TRPM3: variants seen among roughly 807,000 people sequenced by gnomAD.
TRPM3 encodes transient receptor potential cation channel subfamily M member 3.
TRPM3 carries 77 observed loss-of-function variants against 181.2 expected under a neutral mutation model. The ratio of observed to expected loss-of-function variants is 0.42; its 90% CI spans 0.35 to 0.51. The LOEUF (loss-of-function observed/expected upper bound fraction) is 0.51, where lower values mean the gene tolerates loss of function less well. Ranked by LOEUF, TRPM3 falls within the 20% of genes least tolerant of loss-of-function variation. The pLI is 0.01. For missense variants in TRPM3, 1,759 were observed against 2,196.7 expected (o/e 0.80, Z 3.98); for synonymous variants, 745 against 796.4 (o/e 0.94, Z 1.09).
intron 1 of TRPM3, among the ~76,000 whole-genome samples, chr9:71,349,508 C>G (rs207470246): frequency 6.6e-6 from 1 of 152,180 alleles, no homozygotes; most frequent in Non-Finnish European, 1.5e-5. Context: ...TTCAGTAAAT[C>G]GTTTCCTTAA....
At chr9:71,148,667 A>G (rs2075566492) in intron 1 of TRPM3, among the ~76,000 whole-genome samples, 2 of 152,152 alleles carry the variant, frequency 1.3e-5, no homozygotes, top group Non-Finnish European at 2.9e-5. Context: ...AAAGGCCACA[A>G]AAAAGGCATT....
In TRPM3 at chr9:70,814,562, T is replaced by C. The variant is rs2092493592; in HGVS notation, c.973+13285A>G. Among the ~76,000 whole-genome samples, 3 of 152,314 alleles carry C rather than the reference T, an allele frequency of 2.0e-5. No individual in the cohort carries two copies. In the South Asian group the frequency reaches 6.2e-4, roughly 32 times the overall value. ...TATAAAATGTAAGCATCAAATGTATTACATTGGTCTCATCAGTTTTATACA... is the reference window on the plus strand; with the variant it reads ...TATAAAATGTAAGCATCAAATGTATCACATTGGTCTCATCAGTTTTATACA... On this transcript the variant is annotated intron_variant, in intron 6 of 25. Coordinates refer to ENST00000677713, the MANE Select transcript of TRPM3 (RefSeq NM_001366145.2).
chr9:70,949,801 C>A (rs3010423), intron 1 of TRPM3, among the ~76,000 whole-genome samples: 115,997 of 152,076 alleles, frequency 0.76, 44,640 homozygotes, highest in African/African-American at 0.83. Flanking sequence ...TGAGTTAGTA[C>A]AAACTTGGTG....
intron 1 of TRPM3, among the ~76,000 whole-genome samples, chr9:70,881,052 T>C (rs914061899): frequency 8.5e-5 from 13 of 152,152 alleles, no homozygotes; most frequent in African/African-American, 2.9e-4. Flanking sequence ...TCCTGGATTC[T>C]TTTTTTAAAA....
intron 8 of TRPM3, among the ~76,000 whole-genome samples, chr9:70,686,216 G>C (rs1392389353): frequency 6.6e-6 from 1 of 151,830 alleles, no homozygotes; most frequent in African/African-American, 2.4e-5. Flanking sequence ...TGATATATGT[G>C]TATATATACA....
Position 71,015,363 on chromosome 9 carries a change from C to T in TRPM3, c.177+105815G>A, listed in dbSNP as rs540167016. Among the ~76,000 whole-genome samples, 10 of 152,226 alleles carry T rather than the reference C, an allele frequency of 6.6e-5. No homozygotes were observed. The South Asian group carries it at 1.7e-3, about 25-fold the overall frequency. The stretch of plus-strand genomic sequence containing the variant: ...ATCTTCCTATTAGTTGTAGGTAATG[C>T]CAATGTGGAGGCTGAAATGCTAAGC... On this transcript the variant is annotated intron_variant, in intron 1 of 25. Coordinates refer to ENST00000677713, the MANE Select transcript of TRPM3 (RefSeq NM_001366145.2).
At chr9:70,871,632 A>T (rs1417223671) in intron 1 of TRPM3, among the ~76,000 whole-genome samples, 1 of 152,032 alleles carries the variant, frequency 6.6e-6, no homozygotes, top group Non-Finnish European at 1.5e-5. Flanking sequence ...TTAAGAAGGT[A>T]ATTAGCTCCA....
chr9:70,660,505 A>T (rs2060972231), intron 9 of TRPM3, among the ~76,000 whole-genome samples: 1 of 152,040 alleles, frequency 6.6e-6, no homozygotes, highest in African/African-American at 2.4e-5. Flanking sequence ...GTCTCCCTAA[A>T]ATGTATAAAA....
At chr9:70,678,711 A>C (rs1244082490) in intron 9 of TRPM3, among the ~76,000 whole-genome samples, 1 of 152,274 alleles carries the variant, frequency 6.6e-6, no homozygotes, top group Non-Finnish European at 1.5e-5. Flanking sequence ...TGGATTGCAC[A>C]AAGTTTCTAC....
intron 1 of TRPM3, among the ~76,000 whole-genome samples, chr9:71,426,624 T>C (rs908897927): frequency 5.3e-5 from 8 of 152,182 alleles, no homozygotes; most frequent in African/African-American, 1.9e-4. Context: ...TTTAAAATTA[T>C]TAATTTCTGA....
intron 1 of TRPM3, among the ~76,000 whole-genome samples, chr9:71,269,187 A>G (rs1415339350): frequency 6.6e-6 from 1 of 152,250 alleles, no homozygotes; most frequent in African/African-American, 2.4e-5. Flanking sequence ...CATTATACAC[A>G]AGGCTCTAAA....
chr9:71,208,912 CTAAAA>C (rs1351253007), intron 1 of TRPM3, among the ~76,000 whole-genome samples: 2 of 152,102 alleles, frequency 1.3e-5, no homozygotes, highest in Non-Finnish European at 2.9e-5. Context: ...AAACTGGAAC[CTAAAA>C]CATCTCCAGC....
intron 1 of TRPM3, among the ~76,000 whole-genome samples, chr9:70,879,338 A>G (rs1323317439): frequency 6.6e-6 from 1 of 152,094 alleles, no homozygotes; most frequent in Non-Finnish European, 1.5e-5. Context: ...ATTTAATTAA[A>G]TTTGTGTCCT....
At chr9:71,207,064 T>G (rs1260686850) in intron 1 of TRPM3, among the ~76,000 whole-genome samples, 1 of 152,116 alleles carries the variant, frequency 6.6e-6, no homozygotes, top group Admixed American at 6.6e-5. Context: ...AAAGTGTTGA[T>G]TTTTAAAATC....
At chr9:70,906,518 G>C (rs1454264497) in intron 1 of TRPM3, among the ~76,000 whole-genome samples, 1 of 152,132 alleles carries the variant, frequency 6.6e-6, no homozygotes, top group African/African-American at 2.4e-5. Context: ...GGAGTCCTTG[G>C]AAGTTTGGGA....
chr9:71,226,337 T>C (rs945717573), intron 1 of TRPM3, among the ~76,000 whole-genome samples: 1 of 152,044 alleles, frequency 6.6e-6, no homozygotes, highest in Non-Finnish European at 1.5e-5. Context: ...TATTCATCAA[T>C]AATAAGATTG....
intron 1 of TRPM3, among the ~76,000 whole-genome samples, chr9:71,384,662 AGC>A (rs2092886623): frequency 6.6e-6 from 1 of 152,234 alleles, no homozygotes; most frequent in Non-Finnish European, 1.5e-5. Flanking sequence ...CCTAGCCTTT[AGC>A]AATCTTAGGA....
chr9:70,853,750 G>A (rs906203209), intron 3 of TRPM3, among the ~76,000 whole-genome samples: 5 of 152,148 alleles, frequency 3.3e-5, no homozygotes, highest in African/African-American at 1.2e-4. Flanking sequence ...TCTGGCCCTT[G>A]GATGTTGCCC....
chr9:70,995,590 G>A (rs898618491), intron 1 of TRPM3, among the ~76,000 whole-genome samples: 5 of 151,958 alleles, frequency 3.3e-5, no homozygotes, highest in South Asian at 2.1e-4. Context: ...CTCCCATTAG[G>A]CTGTGGCACA....
Sources: allele counts gnomAD v4.1 joint callset (sites outside exome capture counted in the v4.1 genomes callset), GRCh38; gene constraint gnomAD v4.1.1; transcripts MANE v1.5; gene names NCBI Gene and HGNC (gene_info 2026-07-23, HGNC 2026-07-21).